The following NELL1 variants were observed in gnomAD, a reference collection of about 807,000 sequenced individuals.
The protein encoded by NELL1 is neural EGFL like 1.
Under a neutral mutation model 107.4 loss-of-function variants are expected in NELL1, and 76 were observed. That is an observed-to-expected ratio of 0.71 (90% CI 0.59 to 0.86). The LOEUF is 0.86. Among genes scored for constraint, NELL1 ranks in the 40% least tolerant of loss-of-function variants. NELL1 has a pLI of 0.00. For synonymous variants in NELL1, 353 were observed against 341.2 expected (o/e 1.03, Z -0.38); for missense variants, 1,024 against 1,005.5 (o/e 1.02, Z -0.25).
At chr11:21,327,124 T>C (rs1051331905) in intron 14 of NELL1, among the ~76,000 whole-genome samples, 1 of 145,300 alleles carries the variant, frequency 6.9e-6, no homozygotes, top group African/African-American at 2.5e-5. Context: ...GTTACCCTTA[T>C]GCTGTTCTTG....
In NELL1 at chr11:20,995,347, T is replaced by C. The variant is rs140127517; in HGVS notation, c.1300+34787T>C. On this transcript the variant is annotated intron_variant, in intron 12 of 19. Coordinates refer to ENST00000357134, the MANE Select transcript of NELL1 (RefSeq NM_006157.5). ...CTGTAATCCCAGCACTTTGGGAGGC[T>C]GAGGCGGGCAGATCACGAGGTCAGG... 1.0e-2 allele frequency among the ~76,000 whole-genome samples: 1,517 copies of C among 152,178 alleles called. 21 individuals carry two copies. Among genetic ancestry groups the C allele is most frequent in the African/African-American group, 0.035 (1,450 of 41,530 alleles).
intron 12 of NELL1, among the ~76,000 whole-genome samples, chr11:21,046,431 T>C (rs1018539017): frequency 6.6e-6 from 1 of 152,172 alleles, no homozygotes; most frequent in Non-Finnish European, 1.5e-5. Context: ...AACTATAATG[T>C]GTTCTGTGCA....
chr11:21,343,823 A>T (rs964046388), intron 14 of NELL1, among the ~76,000 whole-genome samples: 4 of 152,038 alleles, frequency 2.6e-5, no homozygotes, highest in Non-Finnish European at 5.9e-5. Context: ...GAGGATGGGG[A>T]TCCTCTTATC....
At chr11:21,464,822 A>C (rs1853987312) in intron 15 of NELL1, among the ~76,000 whole-genome samples, 1 of 152,162 alleles carries the variant, frequency 6.6e-6, no homozygotes, top group Non-Finnish European at 1.5e-5. Context: ...CATTAGTATC[A>C]GGAGACTAAT....
At position 21,212,848 on chromosome 11, in the gene NELL1, G is replaced by A. The variant is rs372068787; in HGVS notation, c.1427-16484G>A. ...ACCACTCTTGGGCAACATAGCACTG[G>A]AAGTTTTAGCCAAAACAATAAGGCA... On this transcript the variant is annotated intron_variant, in intron 13 of 19. Coordinates refer to ENST00000357134, the MANE Select transcript of NELL1 (RefSeq NM_006157.5). Among the ~76,000 whole-genome samples the A allele has an allele frequency of 3.9e-4, 60 of 152,254 alleles. No individual in the cohort carries two copies. In the South Asian group the frequency reaches 0.012, roughly 29 times the overall value.
intron 2 of NELL1, among the ~76,000 whole-genome samples, chr11:20,697,538 C>A (rs980856219): frequency 1.3e-5 from 2 of 151,802 alleles, no homozygotes; most frequent in Non-Finnish European, 1.5e-5. Flanking sequence ...GTAGCTGCTT[C>A]CAGGGGAAGA....
intron 12 of NELL1, among the ~76,000 whole-genome samples, chr11:20,994,001 T>C (rs943815436): frequency 1.1e-4 from 17 of 152,194 alleles, no homozygotes; most frequent in Admixed American, 1.3e-4. Flanking sequence ...TTTTCAAAGA[T>C]AGAAATGCAA....
At chr11:21,255,799 T>C (rs1858753921) in intron 14 of NELL1, among the ~76,000 whole-genome samples, 1 of 152,080 alleles carries the variant, frequency 6.6e-6, no homozygotes, top group African/African-American at 2.4e-5. Flanking sequence ...AGATTCACTT[T>C]TTACTCTTCT....
intron 14 of NELL1, among the ~76,000 whole-genome samples, chr11:21,306,574 G>A (rs1376028838): frequency 1.3e-5 from 2 of 152,024 alleles, no homozygotes; most frequent in East Asian, 1.9e-4. Flanking sequence ...TGTTCTGAGA[G>A]CAATTATCCC....
At chr11:21,514,242 T>C (rs1855504471) in intron 15 of NELL1, among the ~76,000 whole-genome samples, 1 of 152,218 alleles carries the variant, frequency 6.6e-6, no homozygotes, top group Admixed American at 6.5e-5. Context: ...ACATTGTCAA[T>C]TTAAATTGAT....
chr11:20,915,719 T>TATATATATATATATATA (rs1332292027), intron 5 of NELL1, among the ~76,000 whole-genome samples: 640 of 23,878 alleles, frequency 0.027, 2 homozygotes, highest in Non-Finnish European at 0.029. Flanking sequence ...ATATATATAT[T>TATATATATATATATATA]TTTTTTTTTT....
At chr11:20,681,644 G>C (rs892492828) in intron 2 of NELL1, among the ~76,000 whole-genome samples, 3 of 151,894 alleles carry the variant, frequency 2.0e-5, no homozygotes, top group Admixed American at 2.0e-4. Flanking sequence ...TTTCTTACTG[G>C]TGCTATAACA....
At chr11:21,565,340 GTTTTGACC>G (rs1374339804) in intron 17 of NELL1, among the ~76,000 whole-genome samples, 3 of 151,848 alleles carry the variant, frequency 2.0e-5, no homozygotes, top group Admixed American at 2.0e-4. Context: ...TCAAAACCCT[GTTTTGACC>G]TTGCAGGAGC....
At chr11:21,565,005 A>C (rs552723055) in intron 17 of NELL1, among the ~76,000 whole-genome samples, 72 of 152,112 alleles carry the variant, frequency 4.7e-4, no homozygotes, top group Non-Finnish European at 9.3e-4. Flanking sequence ...TCCTAAGAAT[A>C]GGACTTACTC....
intron 13 of NELL1, among the ~76,000 whole-genome samples, chr11:21,179,862 CTTTTT>C (rs1164420669): frequency 0.011 from 796 of 75,670 alleles, 5 homozygotes; most frequent in African/African-American, 0.043. Flanking sequence ...AATCAACACA[CTTTTT>C]TTTTTTTTTT....
chr11:21,266,863 A>G lies in NELL1; in HGVS notation c.1549+37409A>G, dbSNP rs890491257. Among the ~76,000 whole-genome samples, 6 of 152,076 alleles carry G rather than the reference A, an allele frequency of 3.9e-5. No homozygotes were observed. In the South Asian group the frequency reaches 1.2e-3, roughly 31 times the overall value. On this transcript the variant is annotated intron_variant, in intron 14 of 19. Transcript: ENST00000357134. ...TAATTAGACTCACCTCAAATTTACC[A>G]TTATAAGAATGTCACACTTATGCAT... is the stretch of plus-strand genomic sequence containing the variant.
chr11:20,845,673 T>A (rs956242141), intron 3 of NELL1, among the ~76,000 whole-genome samples: 2 of 152,144 alleles, frequency 1.3e-5, no homozygotes, highest in Admixed American at 1.3e-4. Context: ...TTAAAGAAAT[T>A]AAAAAGATGA....
At chr11:21,209,371 C>T (rs889522085) in intron 13 of NELL1, among the ~76,000 whole-genome samples, 9 of 148,794 alleles carry the variant, frequency 6.0e-5, no homozygotes, top group Non-Finnish European at 8.9e-5. Flanking sequence ...TACTTCTTAC[C>T]CCCATATTAC....
Position 21,497,060 on chromosome 11 carries a change from C to A in NELL1, c.1646-37314C>A, listed in dbSNP as rs368024227. Among the ~76,000 whole-genome samples the A allele has an allele frequency of 2.7e-5, 4 of 150,200 alleles. 1 individual carries two copies. Among genetic ancestry groups the A allele is most frequent in the African/African-American group, 9.8e-5 (4 of 40,826 alleles). Reference sequence around the variant, plus strand: ...ATTTTGGGTTGCTTCCAAGTCTTTGCTATTGTGAATAGTGCCGCAATAAGC... The same window carrying A: ...ATTTTGGGTTGCTTCCAAGTCTTTGATATTGTGAATAGTGCCGCAATAAGC... On this transcript the variant is annotated intron_variant, in intron 15 of 19. Transcript: ENST00000357134.
Sources: allele counts gnomAD v4.1 joint callset (sites outside exome capture counted in the v4.1 genomes callset), GRCh38; gene constraint gnomAD v4.1.1; transcripts MANE v1.5; gene names NCBI Gene and HGNC (gene_info 2026-07-23, HGNC 2026-07-21).